The following TRDMT1 variants were observed in gnomAD, a reference collection of about 807,000 sequenced individuals.
The protein encoded by TRDMT1 is tRNA aspartic acid methyltransferase 1, also known as tRNA (cytosine(38)-C(5))-methyltransferase.
A neutral mutation model predicts 51.2 loss-of-function variants in TRDMT1; 49 were observed. The ratio of observed to expected loss-of-function variants is 0.96; its 90% confidence interval spans 0.76 to 1.21. The LOEUF is 1.21. TRDMT1 is among the 50% of genes most tolerant of loss of function. The pLI, the probability that TRDMT1 is intolerant of heterozygous loss-of-function variation, is 0.00. For missense variants in TRDMT1, 534 were observed against 462.3 expected, an observed-to-expected ratio of 1.16 and a Z score of -1.42; for synonymous variants, 187 against 164.6, an observed-to-expected ratio of 1.14 and a Z score of -1.04.
At chr10:17,163,845 C>T (rs1204737119) in intron 3 of TRDMT1, among the ~76,000 whole-genome samples, 4 of 152,106 alleles carry the variant, frequency 2.6e-5, no homozygotes, top group South Asian at 2.1e-4. Context: ...AATAGACCAA[C>T]AACAGGCTTT....
At chr10:17,195,604 GA>G (rs201915728) in intron 1 of TRDMT1, among the ~76,000 whole-genome samples, 1,839 of 144,092 alleles carry the variant, frequency 0.013, 36 homozygotes, top group African/African-American at 0.042. Flanking sequence ...TCTAGAAGCT[GA>G]AAAAAAAAAA....
At chr10:17,176,208 A>T (rs1175166641) in intron 1 of TRDMT1, among the ~76,000 whole-genome samples, 1 of 152,194 alleles carries the variant, frequency 6.6e-6, no homozygotes, top group African/African-American at 2.4e-5. Context: ...AATTAAATAA[A>T]CTTCATTGTA....
intron 10 of TRDMT1, among the ~76,000 whole-genome samples, chr10:17,149,911 T>C (rs1216982184): frequency 6.6e-6 from 1 of 152,206 alleles, no homozygotes; most frequent in Non-Finnish European, 1.5e-5. Flanking sequence ...GTATCTACTT[T>C]TTTGGCTGTT....
chr10:17,189,924 T>C (rs549908803), intron 1 of TRDMT1, among the ~76,000 whole-genome samples: 1 of 152,144 alleles, frequency 6.6e-6, no homozygotes, highest in Non-Finnish European at 1.5e-5. Context: ...AACTTCATTA[T>C]TGAGTTTGAA....
At chr10:17,188,537 G>A (rs1438007915) in intron 1 of TRDMT1, among the ~76,000 whole-genome samples, 1 of 152,150 alleles carries the variant, frequency 6.6e-6, no homozygotes, top group African/African-American at 2.4e-5. Flanking sequence ...CACACAAGGA[G>A]AAGCCTCCAA....
At chr10:17,170,221 G>GT (rs1308121219) in intron 2 of TRDMT1, among the ~76,000 whole-genome samples, 1 of 152,058 alleles carries the variant, frequency 6.6e-6, no homozygotes, top group Non-Finnish European at 1.5e-5. Context: ...TTTTAATAGT[G>GT]TAGGCCAACT....
intron 1 of TRDMT1, 75 bp downstream of exon 1, chr10:17,201,496 C>G: frequency 8.6e-7 from 1 of 1,165,402 alleles, no homozygotes; most frequent in East Asian, 2.8e-5. Context: ...CTCGCCGCTC[C>G]GCCCCTTCCC....
rs1372756686 is a variant in TRDMT1 at position 17,143,235 on chromosome 10, T to C, written c.*5805A>G. The C allele has an allele frequency of 3.0e-6, 3 of 985,348 alleles. No individual in the cohort carries two copies. Among genetic ancestry groups the C allele is most frequent in the East Asian group, 2.3e-4 (2 of 8,828 alleles). 61.0% of individuals were successfully genotyped at this position (985,348 alleles called of 1,614,324 possible). On this transcript the variant is annotated 3_prime_UTR_variant, in exon 11 of 11. Coordinates refer to ENST00000377799, the MANE Select transcript of TRDMT1 (RefSeq NM_004412.7). ...CAGTATGGTTCCTACATTCACTCAT[T>C]CAACAACTATTTATTGAGTGCTTAC...
chr10:17,141,649 T>C lies in TRDMT1; in HGVS notation c.*7391A>G, dbSNP rs1837703317. On this transcript the variant is annotated 3_prime_UTR_variant, in exon 11 of 11. Coordinates refer to ENST00000377799, the MANE Select transcript of TRDMT1 (RefSeq NM_004412.7). ...TGTCAGCCTATCTTTGCCCTATCATTTAGATCAGGTAAATTCTACTGATCC... is the reference window on the plus strand; with the variant it reads ...TGTCAGCCTATCTTTGCCCTATCATCTAGATCAGGTAAATTCTACTGATCC... Among the ~76,000 whole-genome samples, 2 of 152,210 alleles carry C rather than the reference T, an allele frequency of 1.3e-5. No individual in the cohort carries two copies. Among genetic ancestry groups the C allele is most frequent in the African/African-American group, 4.8e-5 (2 of 41,444 alleles).
At chr10:17,195,427 G>T (rs1363290370) in intron 1 of TRDMT1, among the ~76,000 whole-genome samples, 2 of 152,072 alleles carry the variant, frequency 1.3e-5, no homozygotes, top group East Asian at 3.8e-4. Flanking sequence ...CAAAAAGATG[G>T]CAACAATAGA....
chr10:17,159,623 T>C (rs142426039), intron 6 of TRDMT1, among the ~76,000 whole-genome samples: 148 of 152,328 alleles, frequency 9.7e-4, no homozygotes, highest in Non-Finnish European at 1.8e-3. Context: ...CACTATGTTT[T>C]ACAAGCTAAA....
rs899299273 is a variant in TRDMT1 at position 17,144,290 on chromosome 10, T to C, written c.*4750A>G. The C allele has an allele frequency of 2.0e-6, 2 of 985,460 alleles. No homozygotes were observed. The highest frequency in any genetic ancestry group is 2.4e-6 in the Non-Finnish European group (2 of 829,918). 61.0% of individuals were successfully genotyped at this position (985,460 alleles called of 1,614,324 possible). A position where few individuals can be genotyped will look rare whatever the true frequency, so the allele number is the denominator to read the frequency against. ...TAATTTCAATCTGTCCTGATAAAAA[T>C]AGAAATCAAAATGCAAACAAAATAC... is the stretch of plus-strand genomic sequence containing the variant. On this transcript the variant is annotated 3_prime_UTR_variant, in exon 11 of 11. Transcript: ENST00000377799.
intron 1 of TRDMT1, among the ~76,000 whole-genome samples, chr10:17,180,406 TG>T (rs923467399): frequency 2.6e-5 from 4 of 152,108 alleles, no homozygotes; most frequent in African/African-American, 9.6e-5. Context: ...CTAGGCATGG[TG>T]GTAGGCACCT....
rs10904884 is a variant in TRDMT1, at chr10:17,138,101, T to C, written c.*10939A>G. Among the ~76,000 whole-genome samples the C allele has an allele frequency of 0.42, 63,411 of 151,962 alleles. 15,236 individuals are homozygous for C. The highest frequency in any genetic ancestry group is 0.57 in the South Asian group (2,747 of 4,818). ...GAGAGGGTTGAGATGCAGAGGTGCG[T>C]TGGAGGATGGACAAATTGGCAAGAT... On this transcript the variant is annotated 3_prime_UTR_variant, in exon 11 of 11. Transcript: ENST00000377799.
rs1454106033 is a variant in TRDMT1 at position 17,161,480 on chromosome 10, T to G, written c.389+3A>C. ...TGTATGCAAGACAAATACATTTTTTTACCTTGTAGAAGATACTTCAAAACC... is the reference window on the plus strand; with the variant it reads ...TGTATGCAAGACAAATACATTTTTTGACCTTGTAGAAGATACTTCAAAACC... On this transcript the variant is annotated splice_donor_region_variant and intron_variant, in intron 5 of 10. Coordinates refer to ENST00000377799, the MANE Select transcript of TRDMT1 (RefSeq NM_004412.7). 1.5e-6 allele frequency: 2 copies of G among 1,369,710 alleles called. No individual in the cohort carries two copies. Among genetic ancestry groups the G allele is most frequent in the African/African-American group, 2.9e-5 (2 of 67,922 alleles). The allele number at this position is 1,369,710 out of a possible 1,614,324, so 84.8% of individuals were successfully genotyped here.
chr10:17,180,636 T>G (rs1364031648), intron 1 of TRDMT1, among the ~76,000 whole-genome samples: 1 of 152,190 alleles, frequency 6.6e-6, no homozygotes, highest in Non-Finnish European at 1.5e-5. Context: ...ATGCTTAATT[T>G]TTTCCTTCTA....
intron 1 of TRDMT1, among the ~76,000 whole-genome samples, chr10:17,179,402 G>T (rs1306000851): frequency 6.6e-6 from 1 of 152,006 alleles, no homozygotes; most frequent in East Asian, 1.9e-4. Context: ...ATTTCCAAGG[G>T]CATAAACTGG....
intron 1 of TRDMT1, among the ~76,000 whole-genome samples, chr10:17,195,049 G>A (rs1309493539): frequency 1.3e-5 from 2 of 150,578 alleles, no homozygotes; most frequent in Non-Finnish European, 2.9e-5. Context: ...ATGGTGGAAA[G>A]CAGCTTGGAA....
rs12251193 is a variant in TRDMT1 at position 17,155,411 on chromosome 10, C to T, written c.888-677G>A. Among the ~76,000 whole-genome samples the T allele has an allele frequency of 8.2e-3, 1,242 of 152,214 alleles. 21 individuals are homozygous for T. The highest frequency in any genetic ancestry group is 0.028 in the African/African-American group (1,163 of 41,548). Reference sequence around the variant, plus strand: ...ATATTGGCTCCCTTGCCACATTAACCTAAATGTTGTACAGGTGAAAAGAAA... The same window carrying T: ...ATATTGGCTCCCTTGCCACATTAACTTAAATGTTGTACAGGTGAAAAGAAA... On this transcript the variant is annotated intron_variant, in intron 8 of 10. Transcript: ENST00000377799.
Sources: allele counts gnomAD v4.1 joint callset (sites outside exome capture counted in the v4.1 genomes callset), GRCh38; gene constraint gnomAD v4.1.1; transcripts MANE v1.5; gene names NCBI Gene and HGNC (gene_info 2026-07-23, HGNC 2026-07-21).